LRRC37A2: variants seen among roughly 807,000 people sequenced by gnomAD.
The protein encoded by LRRC37A2 is leucine rich repeat containing 37 member A2.
LRRC37A2 carries 9 observed loss-of-function variants against 68.8 expected under a neutral mutation model. That is an observed-to-expected ratio of 0.13 (90% CI 0.08 to 0.23). The LOEUF is 0.23. Among genes scored for constraint, LRRC37A2 ranks in the 10% least tolerant of loss-of-function variants. LRRC37A2 has a pLI of 1.00. For missense variants in LRRC37A2, 168 were observed against 950.4 expected, an observed-to-expected ratio of 0.18 and a Z score of 10.82; for synonymous variants, 63 against 367.6, an observed-to-expected ratio of 0.17 and a Z score of 9.48.
chr17:46,976,212 C>T, the LRRC37A2 span, among the ~76,000 whole-genome samples: 4 of 150,700 alleles, frequency 2.7e-5, no homozygotes, highest in Admixed American at 2.6e-4. Flanking sequence ...AGGCGTGAGC[C>T]ACCACGCCTG....
At chr17:46,494,641 T>G in the LRRC37A2 span, among the ~76,000 whole-genome samples, 12 of 151,626 alleles carry the variant, frequency 7.9e-5, no homozygotes, top group East Asian at 3.9e-4. Context: ...TTCACAAAGA[T>G]TTTCCTCTTT....
the LRRC37A2 span, chr17:46,722,058 T>C: frequency 2.5e-5 from 40 of 1,610,158 alleles, no homozygotes; most frequent in Non-Finnish European, 3.4e-5. Flanking sequence ...AGCTGAGCCT[T>C]GAGGTCCGAG....
At chr17:46,798,984 G>A in the LRRC37A2 span, among the ~76,000 whole-genome samples, 1 of 146,828 alleles carries the variant, frequency 6.8e-6, no homozygotes, top group Non-Finnish European at 1.5e-5. Flanking sequence ...TGAGGCGGAG[G>A]TTACAGTGAG....
At chr17:47,036,246 A>G in the LRRC37A2 span, among the ~76,000 whole-genome samples, 2 of 152,134 alleles carry the variant, frequency 1.3e-5, no homozygotes, top group African/African-American at 4.8e-5. Context: ...ACTCTTCTTT[A>G]AAAAGGTTCA....
At chr17:46,995,386 G>A in the LRRC37A2 span, among the ~76,000 whole-genome samples, 18 of 152,168 alleles carry the variant, frequency 1.2e-4, no homozygotes, top group African/African-American at 9.7e-5. Context: ...TCAGCTACAG[G>A]TTCTGATTTT....
chr17:46,810,940 GC>G, the LRRC37A2 span, among the ~76,000 whole-genome samples: 10 of 152,090 alleles, frequency 6.6e-5, no homozygotes, highest in African/African-American at 1.9e-4. Context: ...TCGCCCCAGA[GC>G]CCGCTCTGGC....
At chr17:46,823,074 GTATTTATAATA>G in the LRRC37A2 span, among the ~76,000 whole-genome samples, 2 of 127,100 alleles carry the variant, frequency 1.6e-5, no homozygotes, top group African/African-American at 6.0e-5. Context: ...TAATAAATAT[GTATTTATAATA>G]AATATGTATT....
chr17:46,531,932 G>A (rs4435298), intron 6 of LRRC37A2, among the ~76,000 whole-genome samples: 6 of 139,496 alleles, frequency 4.3e-5, no homozygotes, highest in East Asian at 2.1e-4. Context: ...GAGTCTTATC[G>A]TTTTGGCTCT....
the LRRC37A2 span, among the ~76,000 whole-genome samples, chr17:47,048,166 T>C: frequency 1.9e-4 from 28 of 150,284 alleles, no homozygotes; most frequent in East Asian, 3.1e-3. Context: ...CTAAGTGCTG[T>C]AGCCTAGTGC....
At chr17:46,598,829 C>G in the LRRC37A2 span, among the ~76,000 whole-genome samples, 1 of 149,906 alleles carries the variant, frequency 6.7e-6, no homozygotes, top group South Asian at 2.2e-4. Flanking sequence ...TGCAGTACTA[C>G]AAATCAAAAC....
the LRRC37A2 span, among the ~76,000 whole-genome samples, chr17:46,839,934 TTCTTTC>T: frequency 6.8e-6 from 1 of 147,610 alleles, no homozygotes; most frequent in Admixed American, 6.8e-5. Flanking sequence ...CTTTCTTTCT[TTCTTTC>T]TTTCTTTCTT....
At chr17:46,733,260 C>T in the LRRC37A2 span, among the ~76,000 whole-genome samples, 4 of 152,152 alleles carry the variant, frequency 2.6e-5, no homozygotes, top group East Asian at 1.9e-4. Context: ...AAGGAGGAAG[C>T]GGTAGTGAGT....
At chr17:46,818,235 G>A in the LRRC37A2 span, among the ~76,000 whole-genome samples, 1 of 152,098 alleles carries the variant, frequency 6.6e-6, no homozygotes, top group South Asian at 2.1e-4. Context: ...GATTGGGACG[G>A]GCAGAGGGTT....
chr17:46,903,254 G>C, the LRRC37A2 span, among the ~76,000 whole-genome samples: 7 of 150,524 alleles, frequency 4.7e-5, no homozygotes, highest in Non-Finnish European at 8.8e-5. Context: ...GCACTCCAGC[G>C]TGGGCAACAA....
At chr17:46,774,898 A>C in the LRRC37A2 span, among the ~76,000 whole-genome samples, 4 of 152,222 alleles carry the variant, frequency 2.6e-5, no homozygotes, top group African/African-American at 9.7e-5. Context: ...GGACAATTGC[A>C]ATCTGCTGTA....
At chr17:46,529,126 C>G (rs1008625779) in intron 6 of LRRC37A2, among the ~76,000 whole-genome samples, 2 of 134,706 alleles carry the variant, frequency 1.5e-5, no homozygotes, top group African/African-American at 5.5e-5. Context: ...GTCCTTTCAT[C>G]TCTCTCTCCT....
the LRRC37A2 span, among the ~76,000 whole-genome samples, chr17:46,783,127 G>A: frequency 6.6e-6 from 1 of 152,232 alleles, no homozygotes; most frequent in African/African-American, 2.4e-5. Flanking sequence ...TCCAGCAGGG[G>A]TGGGAGCACC....
chr17:46,558,455 C>G (rs879480468), downstream of LRRC37A2, among the ~76,000 whole-genome samples: 13 of 117,644 alleles, frequency 1.1e-4, no homozygotes, highest in Middle Eastern at 3.7e-3. Flanking sequence ...AGCGTGATCT[C>G]GGTTGACTGC....
chr17:47,000,785 A>G, the LRRC37A2 span, among the ~76,000 whole-genome samples: 1 of 151,866 alleles, frequency 6.6e-6, no homozygotes, highest in Admixed American at 6.6e-5. Flanking sequence ...GAGAACCACA[A>G]CTCTTTGGTG....
Sources: gnomAD v4.1 joint callset for allele counts (sites outside exome capture counted in the v4.1 genomes callset) on GRCh38, gnomAD v4.1.1 for gene constraint, MANE v1.5 for transcripts, NCBI Gene and HGNC (gene_info 2026-07-23, HGNC 2026-07-21) for gene names.